The following SH3RF3 variants were observed in gnomAD, a reference collection of about 807,000 sequenced individuals.
SH3RF3 encodes the protein SH3 domain containing ring finger 3.
In SH3RF3, 29 loss-of-function variants were observed where a neutral mutation model predicts 66.3. The ratio of observed to expected loss-of-function variants is 0.44; its 90% CI spans 0.33 to 0.60. SH3RF3 has a LOEUF of 0.60. SH3RF3 is among the 20% of genes least tolerant of loss of function. The probability of loss-of-function intolerance (pLI) is 0.04; values close to 1 mark genes in which losing one functional copy is unlikely to be tolerated. For synonymous variants in SH3RF3, 583 were observed against 532.0 expected (o/e 1.10, Z -1.32); for missense variants, 1,194 against 1,190.9 (o/e 1.00, Z -0.04).
intron 1 of SH3RF3, among the ~76,000 whole-genome samples, chr2:109,167,838 T>G (rs537008168): frequency 8.3e-4 from 126 of 152,352 alleles, no homozygotes; most frequent in South Asian, 6.0e-3. Context: ...CCCAAAGTGC[T>G]GGGATTACAG....
chr2:109,278,480 T>C (rs1574546534), intron 1 of SH3RF3, among the ~76,000 whole-genome samples: 1 of 152,168 alleles, frequency 6.6e-6, no homozygotes, highest in African/African-American at 2.4e-5. Flanking sequence ...CAAAGACTCA[T>C]GGTTGATGAT....
chr2:109,188,516 A>G (rs184526627), intron 1 of SH3RF3, among the ~76,000 whole-genome samples: 49 of 152,282 alleles, frequency 3.2e-4, no homozygotes, highest in African/African-American at 1.1e-3. Context: ...GTCTGGATGA[A>G]AGAGACCACG....
intron 7 of SH3RF3, among the ~76,000 whole-genome samples, chr2:109,442,332 A>C (rs1403284805): frequency 1.3e-5 from 2 of 150,972 alleles, no homozygotes; most frequent in Non-Finnish European, 3.0e-5. Flanking sequence ...AAAAAGAAAA[A>C]ATCCACACTA....
In SH3RF3 at chr2:109,145,719, C is replaced by G. The variant is rs535295700; in HGVS notation, c.573+15606C>G. Among the ~76,000 whole-genome samples, 4 of 152,320 alleles carry G rather than the reference C, an allele frequency of 2.6e-5. No homozygotes were observed. In the East Asian group the frequency reaches 7.7e-4, roughly 29 times the overall value. ...TCTTGGGTGTTCTCACAGGTCAGGACCACACCATCCGTTGAGCCTCCCCAC... is the reference window on the plus strand; with the variant it reads ...TCTTGGGTGTTCTCACAGGTCAGGAGCACACCATCCGTTGAGCCTCCCCAC... On this transcript the variant is annotated intron_variant, in intron 1 of 9. Transcript: ENST00000309415.
rs552032806 is a variant in SH3RF3 at position 109,217,464 on chromosome 2, T to C, written c.573+87351T>C. Among the ~76,000 whole-genome samples, 19 of 152,298 alleles carry C rather than the reference T, an allele frequency of 1.2e-4. 1 individual carries two copies. The South Asian group carries it at 3.7e-3, about 30-fold the overall frequency. Reference sequence around the variant, plus strand: ...CTCAGCTCCAGGTTTATGGCCACGATTGGTAAATAGACTCACTCCACATCT... The same window carrying C: ...CTCAGCTCCAGGTTTATGGCCACGACTGGTAAATAGACTCACTCCACATCT... On this transcript the variant is annotated intron_variant, in intron 1 of 9. Transcript: ENST00000309415.
chr2:109,412,179 G>A (rs1185194665), intron 4 of SH3RF3, among the ~76,000 whole-genome samples: 4 of 152,268 alleles, frequency 2.6e-5, no homozygotes, highest in Non-Finnish European at 4.4e-5. Flanking sequence ...CGTGTGCTCC[G>A]CACAGTGTGC....
At chr2:109,466,274 G>C (rs1193085639) in intron 8 of SH3RF3, among the ~76,000 whole-genome samples, 1 of 151,976 alleles carries the variant, frequency 6.6e-6, no homozygotes, top group East Asian at 1.9e-4. Flanking sequence ...GTAGAGACGG[G>C]GTTTCACTGT....
chr2:109,333,099 C>T (rs1020968487), intron 1 of SH3RF3, among the ~76,000 whole-genome samples: 11 of 152,226 alleles, frequency 7.2e-5, no homozygotes, highest in African/African-American at 2.4e-4. Context: ...TGCCTCAGTG[C>T]GTTCCAGGAG....
intron 8 of SH3RF3, among the ~76,000 whole-genome samples, chr2:109,472,520 C>T (rs115457624): frequency 0.012 from 1,753 of 152,328 alleles, 29 homozygotes; most frequent in African/African-American, 0.039. Flanking sequence ...CTTTGATTTA[C>T]GGTTGCTGCC....
At chr2:109,221,389 C>A (rs1362081212) in intron 1 of SH3RF3, among the ~76,000 whole-genome samples, 4 of 152,144 alleles carry the variant, frequency 2.6e-5, no homozygotes, top group Admixed American at 2.6e-4. Flanking sequence ...TTGAGACCAG[C>A]CTGGCCAATA....
At chr2:109,182,458 A>G (rs1374305051) in intron 1 of SH3RF3, among the ~76,000 whole-genome samples, 1 of 152,194 alleles carries the variant, frequency 6.6e-6, no homozygotes, top group African/African-American at 2.4e-5. Context: ...ACTTTGGGGG[A>G]CACACTCAAA....
At chr2:109,364,629 C>G (rs867024935) in intron 2 of SH3RF3, among the ~76,000 whole-genome samples, 14 of 152,202 alleles carry the variant, frequency 9.2e-5, no homozygotes, top group Admixed American at 1.3e-4. Flanking sequence ...CACAAATGTT[C>G]TATAGTCCTG....
rs934473488 is a variant in SH3RF3, at chr2:109,412,587, G to T, written c.1300-6952G>T. 6.6e-5 allele frequency among the ~76,000 whole-genome samples: 10 copies of T among 152,330 alleles called. No homozygotes were observed. In the South Asian group the frequency reaches 1.9e-3, roughly 28 times the overall value. ...AGCCCAGCCCCTGCTGGTGCTGCAGGGTCACCCCTGCCCTTTGTCAGCTCC... is the reference window on the plus strand; with the variant it reads ...AGCCCAGCCCCTGCTGGTGCTGCAGTGTCACCCCTGCCCTTTGTCAGCTCC... On this transcript the variant is annotated intron_variant, in intron 4 of 9. Transcript: ENST00000309415.
chr2:109,229,207 T>C (rs1014811137), intron 1 of SH3RF3, among the ~76,000 whole-genome samples: 2 of 152,222 alleles, frequency 1.3e-5, no homozygotes, highest in Non-Finnish European at 2.9e-5. Flanking sequence ...ATTTTTATTA[T>C]GTCACACAGC....
At chr2:109,284,599 G>T (rs1680981091) in intron 1 of SH3RF3, among the ~76,000 whole-genome samples, 1 of 152,216 alleles carries the variant, frequency 6.6e-6, no homozygotes, top group Non-Finnish European at 1.5e-5. Context: ...TGGATGAAGG[G>T]CATAGAGTGG....
At chr2:109,355,738 A>C (rs939850178) in intron 2 of SH3RF3, among the ~76,000 whole-genome samples, 4 of 152,144 alleles carry the variant, frequency 2.6e-5, no homozygotes, top group African/African-American at 9.7e-5. Context: ...TGAAGCAGCA[A>C]CTTAACACGC....
At chr2:109,399,997 G>T (rs1434811198) in intron 4 of SH3RF3, among the ~76,000 whole-genome samples, 1 of 152,146 alleles carries the variant, frequency 6.6e-6, no homozygotes. Context: ...CCCTCTGGCT[G>T]CCCTGGACAG....
intron 8 of SH3RF3, among the ~76,000 whole-genome samples, chr2:109,478,333 G>A (rs1403326106): frequency 6.6e-6 from 1 of 152,184 alleles, no homozygotes; most frequent in Non-Finnish European, 1.5e-5. Context: ...CTGAAAATGT[G>A]TCCTTTGAGT....
At chr2:109,344,595 G>A (rs1466677585) in intron 1 of SH3RF3, among the ~76,000 whole-genome samples, 1 of 152,180 alleles carries the variant, frequency 6.6e-6, no homozygotes, top group African/African-American at 2.4e-5. Flanking sequence ...TCCAGCCCAT[G>A]ACAGGCTGAT....
Sources: gnomAD v4.1 joint callset for allele counts (sites outside exome capture counted in the v4.1 genomes callset) on GRCh38, gnomAD v4.1.1 for gene constraint, MANE v1.5 for transcripts, NCBI Gene and HGNC (gene_info 2026-07-23, HGNC 2026-07-21) for gene names.